SND1: variants seen among roughly 807,000 people sequenced by gnomAD.
SND1 encodes staphylococcal nuclease domain-containing protein 1.
Under a neutral mutation model 121.7 loss-of-function variants are expected in SND1, and 38 were observed. That is an observed-to-expected ratio of 0.31 (90% CI 0.24 to 0.41). The LOEUF (loss-of-function observed/expected upper bound fraction) is 0.41. Among genes scored for constraint, SND1 ranks in the 10% least tolerant of loss-of-function variants. SND1 has a pLI of 1.00. For missense variants in SND1, 868 were observed against 1,184.6 expected (o/e 0.73, Z 3.92); for synonymous variants, 401 against 447.4 (o/e 0.90, Z 1.31).
intron 16 of SND1, among the ~76,000 whole-genome samples, chr7:128,039,606 T>C (rs767028048): frequency 6.6e-6 from 1 of 152,204 alleles, no homozygotes; most frequent in East Asian, 1.9e-4. Context: ...GAGAGTTTTA[T>C]GGAGGTATCA....
At chr7:127,929,109 C>T (rs1800908774) in intron 14 of SND1, 79 bp from the exon 15 acceptor site, 2 of 1,471,180 alleles carry the variant, frequency 1.4e-6, no homozygotes, top group Non-Finnish European at 1.9e-6. Flanking sequence ...TCCTGCCAAA[C>T]TTTTTGTCCT....
intron 13 of SND1, among the ~76,000 whole-genome samples, chr7:127,900,604 C>T (rs540668021): frequency 5.7e-4 from 87 of 152,308 alleles, no homozygotes; most frequent in Non-Finnish European, 9.1e-4. Flanking sequence ...GTGAGAGTTT[C>T]GAGCTTTGCT....
intron 10 of SND1, among the ~76,000 whole-genome samples, chr7:127,747,643 C>G (rs1311471629): frequency 1.3e-5 from 2 of 152,148 alleles, no homozygotes; most frequent in African/African-American, 4.8e-5. Context: ...TTTGACAAGA[C>G]TGAACATCAG....
intron 16 of SND1, among the ~76,000 whole-genome samples, chr7:128,060,214 C>T (rs887638475): frequency 3.3e-5 from 5 of 152,254 alleles, no homozygotes; most frequent in Non-Finnish European, 7.4e-5. Context: ...CTGCCTCCCT[C>T]GTTCGCATGT....
chr7:127,938,821 C>T (rs1801121065), intron 15 of SND1, among the ~76,000 whole-genome samples: 1 of 152,314 alleles, frequency 6.6e-6, no homozygotes, highest in East Asian at 1.9e-4. Context: ...TTCATCTTTA[C>T]ACCATGAATC....
At chr7:127,665,300 C>T (rs986241589) in intron 1 of SND1, among the ~76,000 whole-genome samples, 3 of 151,978 alleles carry the variant, frequency 2.0e-5, no homozygotes, top group Non-Finnish European at 1.5e-5. Flanking sequence ...CATTCTCCTG[C>T]CTCAGCCTCC....
chr7:128,044,632 C>G (rs56025008), intron 16 of SND1, among the ~76,000 whole-genome samples: 3 of 121,528 alleles, frequency 2.5e-5, no homozygotes, highest in East Asian at 5.8e-4. Context: ...TCTCCCCCCC[C>G]ACCCCCGCCA....
intron 13 of SND1, among the ~76,000 whole-genome samples, chr7:127,898,412 C>T (rs1295725863): frequency 1.3e-5 from 2 of 152,128 alleles, no homozygotes; most frequent in East Asian, 1.9e-4. Flanking sequence ...AGTGCCCCCA[C>T]CTACCATTCT....
chr7:127,782,890 A>G (rs1229397360), intron 10 of SND1, among the ~76,000 whole-genome samples: 2 of 152,324 alleles, frequency 1.3e-5, no homozygotes. Context: ...GAAGACTACA[A>G]CTGCCCAGCA....
At chr7:128,075,565 C>T (rs1793493152) in intron 17 of SND1, among the ~76,000 whole-genome samples, 1 of 152,232 alleles carries the variant, frequency 6.6e-6, no homozygotes, top group South Asian at 2.1e-4. Context: ...CCTCCTCATT[C>T]AGGGCATCTC....
At chr7:127,943,973 G>C (rs894917870) in intron 15 of SND1, among the ~76,000 whole-genome samples, 2 of 152,120 alleles carry the variant, frequency 1.3e-5, no homozygotes, top group African/African-American at 4.8e-5. Flanking sequence ...GATGTGGCTC[G>C]ACTGCGTTCC....
At chr7:128,036,407 T>A (rs1792751997) in intron 16 of SND1, among the ~76,000 whole-genome samples, 2 of 152,248 alleles carry the variant, frequency 1.3e-5, no homozygotes, top group Non-Finnish European at 2.9e-5. Flanking sequence ...TGGAGCCTGA[T>A]GATTCAAGGC....
chr7:127,963,176 C>CA (rs1801772921), intron 15 of SND1, among the ~76,000 whole-genome samples: 1 of 151,872 alleles, frequency 6.6e-6, no homozygotes, highest in East Asian at 1.9e-4. Flanking sequence ...CAGGGTGCAG[C>CA]AAGTTGTTCA....
At chr7:127,774,580 A>AT (rs71179600) in intron 10 of SND1, among the ~76,000 whole-genome samples, 1,414 of 139,160 alleles carry the variant, frequency 0.01, 5 homozygotes, top group Middle Eastern at 0.036. Flanking sequence ...ATTTTTTATC[A>AT]TTTTTTTTTT....
At chr7:127,969,123 A>G (rs1425248244) in intron 15 of SND1, among the ~76,000 whole-genome samples, 1 of 152,180 alleles carries the variant, frequency 6.6e-6, no homozygotes, top group Non-Finnish European at 1.5e-5. Flanking sequence ...TGACACTGGC[A>G]ACACAGTGGA....
chr7:127,956,767 T>G (rs1470993110), intron 15 of SND1, among the ~76,000 whole-genome samples: 1 of 152,258 alleles, frequency 6.6e-6, no homozygotes, highest in African/African-American at 2.4e-5. Context: ...CACGTGTGCA[T>G]GTGTGCATAA....
At chr7:127,861,246 C>G (rs1358141033) in intron 12 of SND1, among the ~76,000 whole-genome samples, 2 of 152,054 alleles carry the variant, frequency 1.3e-5, no homozygotes, top group Admixed American at 1.3e-4. Flanking sequence ...CTTAGATAAC[C>G]CTTCAAGGTT....
At chr7:128,067,630 A>G (rs560178722) in intron 16 of SND1, among the ~76,000 whole-genome samples, 11 of 151,972 alleles carry the variant, frequency 7.2e-5, no homozygotes, top group African/African-American at 2.2e-4. Context: ...ATCCTCCACA[A>G]CTGTTTTCAG....
chr7:127,956,284 G>C, intron 15 of SND1, among the ~76,000 whole-genome samples: 1 of 152,094 alleles, frequency 6.6e-6, no homozygotes, highest in East Asian at 1.9e-4. Flanking sequence ...GACCATACCT[G>C]CTCCCTGAAA....
Sources: allele counts gnomAD v4.1 joint callset (sites outside exome capture counted in the v4.1 genomes callset), GRCh38; gene constraint gnomAD v4.1.1; transcripts MANE v1.5; gene names NCBI Gene and HGNC (gene_info 2026-07-23, HGNC 2026-07-21).